SACS: variants seen among roughly 807,000 people sequenced by gnomAD.
SACS encodes the protein sacsin.
SACS carries 197 observed loss-of-function variants against 348.0 expected under a neutral mutation model. The ratio of observed to expected loss-of-function variants is 0.57; its 90% confidence interval spans 0.50 to 0.64. The LOEUF is 0.64. Among genes scored for constraint, SACS ranks in the 30% least tolerant of loss-of-function variants. SACS has a pLI of 0.00. For missense variants in SACS, 4,999 were observed against 5,360.8 expected, an observed-to-expected ratio of 0.93 and a Z score of 2.11; for synonymous variants, 1,985 against 1,910.6, an observed-to-expected ratio of 1.04 and a Z score of -1.02.
At chr13:23,417,314 A>G (rs1382641493) in intron 1 of SACS, among the ~76,000 whole-genome samples, 2 of 152,226 alleles carry the variant, frequency 1.3e-5, no homozygotes, top group South Asian at 2.1e-4. Context: ...AACCCCAGCA[A>G]CCTTGCAGAA....
At chr13:23,356,330 C>T (rs1265360268) in intron 7 of SACS, among the ~76,000 whole-genome samples, 2 of 152,182 alleles carry the variant, frequency 1.3e-5, no homozygotes, top group South Asian at 4.1e-4. Context: ...ACCATGTGAG[C>T]CCAATTCGAC....
chr13:23,336,093 G>T lies in SACS; in HGVS notation c.7783C>A (p.Pro2595Thr), dbSNP rs1211375795. ...GPALCVYNNQ[P>T]FTEDDVRGIQ... ...CCTCTAACATCATCTTCTGTAAATGGCTGGTTGTTGTACACACAAAGTGCT... is the reference window on the plus strand; with the variant it reads ...CCTCTAACATCATCTTCTGTAAATGTCTGGTTGTTGTACACACAAAGTGCT... The change falls in exon 10 of 10, where the codon CCA (proline) becomes ACA (threonine). Residue 2595 changes from proline to threonine, a missense_variant. Coordinates refer to ENST00000382292, the MANE Select transcript of SACS (RefSeq NM_014363.6). The T allele has an allele frequency of 2.5e-6, 4 of 1,611,150 alleles. No homozygotes were observed. The highest frequency in any genetic ancestry group is 3.4e-6 in the Non-Finnish European group (4 of 1,177,822).
At position 23,332,549 on chromosome 13, in the gene SACS, A is replaced by G. The variant is rs145188410; in HGVS notation, c.11327T>C (p.Ile3776Thr). ...VKTRAKVLRS[I>T]YEFLSAEKRE... is the part of the protein sequence containing the mutation. Reference sequence around the variant, plus strand: ...TTTTTCTGCACTGAGGAATTCATATATGCTCCTTAAGACTTTTGCTCTAGT... The same window carrying G: ...TTTTTCTGCACTGAGGAATTCATATGTGCTCCTTAAGACTTTTGCTCTAGT... Residue 3776 changes from isoleucine to threonine, a missense_variant, in exon 10 of 10, where the codon ATA becomes ACA. By Grantham distance (89) the Ile-to-Thr change is moderately conservative. Transcript: ENST00000382292. The G allele has an allele frequency of 3.0e-5, 48 of 1,613,792 alleles. No homozygotes were observed. The highest frequency in any genetic ancestry group is 1.6e-4 in the Middle Eastern group (1 of 6,084).
intron 2 of SACS, among the ~76,000 whole-genome samples, chr13:23,409,041 T>TTTTTTTTTTTTG: frequency 1.2e-4 from 1 of 8,454 alleles, no homozygotes; most frequent in East Asian, 0.01. Flanking sequence ...CAAGTTTTAC[T>TTTTTTTTTTTTG]TTTTTTTTTT....
intron 5 of SACS, 115 bp from the exon 6 acceptor site, chr13:23,365,392 T>C (rs1871003125): frequency 7.7e-6 from 5 of 647,670 alleles, no homozygotes; most frequent in Non-Finnish European, 1.3e-5. Context: ...GGAAACCCAC[T>C]ATTTGCAACA....
intron 7 of SACS, among the ~76,000 whole-genome samples, chr13:23,357,426 C>G (rs1374300295): frequency 1.3e-5 from 2 of 152,202 alleles, no homozygotes; most frequent in Non-Finnish European, 2.9e-5. Flanking sequence ...AACAGGCTTA[C>G]TAAAATTTGG....
At position 23,336,631 on chromosome 13, in the gene SACS, T is replaced by G; in HGVS notation, c.7245A>C (p.Gln2415His). 1 of 1,613,858 alleles carries G rather than the reference T, an allele frequency of 6.2e-7. No homozygotes were observed. The highest frequency in any genetic ancestry group is 8.5e-7 in the Non-Finnish European group (1 of 1,179,868). The change falls in exon 10 of 10, where the codon CAA becomes CAC. Residue 2415 changes from glutamine to histidine, a missense_variant. By Grantham distance (24) the Gln-to-His change is conservative. Around this residue, in one of 6 missense-constraint regions of SACS, gnomAD observed 3,156 missense variants for 3,380.1 expected, o/e 0.93. Transcript: ENST00000382292. ...ESIDQERGTK[Q>H]ITEENFQLCR... ...AAAGCTGAAAATTCTCTTCTGTTAT[T>G]TGCTTTGTTCCTCTTTCTTGATCAA...
intron 6 of SACS, among the ~76,000 whole-genome samples, chr13:23,360,759 T>TC (rs1327174274): frequency 1.9e-3 from 295 of 151,508 alleles, no homozygotes; most frequent in African/African-American, 5.0e-3. Flanking sequence ...AGGTACTTTT[T>TC]TTTTTTTTTT....
chr13:23,428,124 A>G (rs78714761), intron 1 of SACS: 1 of 152,160 alleles, frequency 6.6e-6, no homozygotes, highest in African/African-American at 2.4e-5. Context: ...GTGATCTCCT[A>G]AGAAATGGGG....
intron 2 of SACS, among the ~76,000 whole-genome samples, chr13:23,387,025 T>C (rs79527976): frequency 0.013 from 1,910 of 152,152 alleles, 53 homozygotes; most frequent in African/African-American, 0.044. Flanking sequence ...AAAGCAGATA[T>C]AATAACAATG....
chr13:23,332,925 T>A lies in SACS; in HGVS notation c.10951A>T (p.Ile3651Leu), dbSNP rs1480098452. The A allele has an allele frequency of 6.2e-7, 1 of 1,613,818 alleles. No homozygotes were observed. Among genetic ancestry groups the A allele is most frequent in the African/African-American group, 1.3e-5 (1 of 74,940 alleles). ...SGNFLKELSL[I>L]PFLCPERAPA... ...GCCCGCTCAGGACATAAGAATGGTA[T>A]TAAAGATAGTTCTTTCAGAAAATTT... Residue 3651 changes from isoleucine to leucine, a missense_variant, in exon 10 of 10, where the codon ATA becomes TTA. By Grantham distance (5) the Ile-to-Leu change is conservative. This residue lies in a region of SACS where 831 missense variants were observed against 941.8 expected (regional missense o/e 0.88). Transcript: ENST00000382292.
chr13:23,354,463 A>C (rs1870184809), intron 8 of SACS, 56 bp downstream of exon 8: 2 of 1,460,112 alleles, frequency 1.4e-6, no homozygotes, highest in Non-Finnish European at 1.9e-6. Flanking sequence ...TCTCACAGTG[A>C]GCAGGAGCAG....
At chr13:23,377,205 A>G (rs755271750) in intron 2 of SACS, among the ~76,000 whole-genome samples, 2 of 152,204 alleles carry the variant, frequency 1.3e-5, no homozygotes, top group Admixed American at 6.5e-5. Flanking sequence ...TGGAATTAGT[A>G]GTGCAATGTG....
At chr13:23,369,498 G>A (rs905527471) in intron 4 of SACS, among the ~76,000 whole-genome samples, 1 of 151,656 alleles carries the variant, frequency 6.6e-6, no homozygotes, top group African/African-American at 2.4e-5. Flanking sequence ...CACATACTGA[G>A]ACCAAGCTCA....
At position 23,421,621 on chromosome 13, in the gene SACS, G is replaced by A. The variant is rs367747259; in HGVS notation, c.-501-9881C>T. 2.0e-5 allele frequency among the ~76,000 whole-genome samples: 3 copies of A among 152,156 alleles called. No homozygotes were observed. In the East Asian group the frequency reaches 5.8e-4, roughly 30 times the overall value. ...CATTGTGTCCTGCTGTGGCACGGATGTGAGCCTGGTGCCTGATATACATCT... is the reference window on the plus strand; with the variant it reads ...CATTGTGTCCTGCTGTGGCACGGATATGAGCCTGGTGCCTGATATACATCT... On this transcript the variant is annotated intron_variant, in intron 1 of 9. Transcript: ENST00000382292.
chr13:23,372,943 C>A (rs1017632729), intron 3 of SACS, among the ~76,000 whole-genome samples: 1 of 152,170 alleles, frequency 6.6e-6, no homozygotes, highest in African/African-American at 2.4e-5. Context: ...TTACCTCATA[C>A]CAGGACGAAA....
intron 1 of SACS, among the ~76,000 whole-genome samples, chr13:23,414,434 G>T (rs965567827): frequency 2.6e-5 from 4 of 152,176 alleles, no homozygotes; most frequent in African/African-American, 9.7e-5. Flanking sequence ...AGGGCTATCT[G>T]CCACTAGTGC....
In SACS at chr13:23,407,026, C is replaced by T. The variant is rs181761553; in HGVS notation, c.20+4194G>A. Among the ~76,000 whole-genome samples, 5 of 152,248 alleles carry T rather than the reference C, an allele frequency of 3.3e-5. No individual in the cohort carries two copies. In the South Asian group the frequency reaches 6.2e-4, roughly 19 times the overall value. Reference sequence around the variant, plus strand: ...CTCTGCTCCAGGAAATAACCATGACCGTGACACTGATGTCTATGCCATCAC... The same window carrying T: ...CTCTGCTCCAGGAAATAACCATGACTGTGACACTGATGTCTATGCCATCAC... On this transcript the variant is annotated intron_variant, in intron 2 of 9. Coordinates refer to ENST00000382292, the MANE Select transcript of SACS (RefSeq NM_014363.6).
intron 1 of SACS, among the ~76,000 whole-genome samples, chr13:23,418,671 A>G (rs898407401): frequency 1.3e-5 from 2 of 152,062 alleles, no homozygotes; most frequent in Admixed American, 6.6e-5. Context: ...AAGCCCAGCT[A>G]ATTTTTGTAT....
Sources: gnomAD v4.1 joint callset for allele counts (sites outside exome capture counted in the v4.1 genomes callset) on GRCh38, gnomAD v4.1.1 for gene constraint, gnomAD v4.1.1 regional missense constraint, MANE v1.5 for transcripts, NCBI Gene and HGNC (gene_info 2026-07-23, HGNC 2026-07-21) for gene names.